Variants in RHCG observed in about 807,000 individuals in gnomAD.
RHCG encodes Rh family C glycoprotein, also known as ammonium transporter Rh type C.
A neutral mutation model predicts 55.3 loss-of-function variants in RHCG; 39 were observed. The ratio of observed to expected loss-of-function variants is 0.70; its 90% CI spans 0.55 to 0.92. The LOEUF (loss-of-function observed/expected upper bound fraction) is 0.92, where lower values mean the gene tolerates loss of function less well. Ranked by LOEUF, RHCG falls within the 40% of genes least tolerant of loss-of-function variation. The pLI, the probability that RHCG is intolerant of heterozygous loss-of-function variation, is 0.00. For synonymous variants in RHCG, 250 were observed against 246.8 expected, an observed-to-expected ratio of 1.01 and a Z score of -0.12; for missense variants, 635 against 627.9, an observed-to-expected ratio of 1.01 and a Z score of -0.12.
chr15:89,496,283 A>G (rs1961564105), intron 1 of RHCG, 78 bp downstream of exon 1: 2 of 1,484,982 alleles, frequency 1.3e-6, no homozygotes, highest in Non-Finnish European at 1.9e-6. Flanking sequence ...TCCTCTGCCC[A>G]GCTCTGGGCC....
chr15:89,486,532 G>A, intron 2 of RHCG: 1 of 529,144 alleles, frequency 1.9e-6, no homozygotes, highest in South Asian at 1.5e-5. Flanking sequence ...GAGAATCGCT[G>A]ATCAGGAAGC....
intron 2 of RHCG, among the ~76,000 whole-genome samples, chr15:89,483,782 G>A (rs533160002): frequency 2.6e-5 from 4 of 152,258 alleles, no homozygotes; most frequent in Non-Finnish European, 5.9e-5. Flanking sequence ...CCTGCAGGAA[G>A]GAGGGAGCTG....
intron 10 of RHCG, among the ~76,000 whole-genome samples, chr15:89,472,207 T>G (rs751201406): frequency 1.3e-5 from 2 of 152,188 alleles, no homozygotes; most frequent in Non-Finnish European, 2.9e-5. Context: ...CTACTTGCCT[T>G]GTAGAGATCT....
At chr15:89,489,697 T>C (rs1319813754) in intron 1 of RHCG, among the ~76,000 whole-genome samples, 1 of 152,148 alleles carries the variant, frequency 6.6e-6, no homozygotes, top group East Asian at 1.9e-4. Context: ...TTGCCTATGG[T>C]GTCCCTGCCA....
chr15:89,494,316 C>A (rs1961528078), intron 1 of RHCG, among the ~76,000 whole-genome samples: 1 of 152,160 alleles, frequency 6.6e-6, no homozygotes, highest in South Asian at 2.1e-4. Flanking sequence ...GGGACAGAGA[C>A]CCAGGATATT....
At chr15:89,476,667 G>T in intron 9 of RHCG, 88 bp downstream of exon 9, 3 of 1,125,168 alleles carry the variant, frequency 2.7e-6, no homozygotes, top group Non-Finnish European at 4.1e-6. Flanking sequence ...CGGCATCTGG[G>T]TCCCCAGGCC....
chr15:89,476,295 C>A (rs1417931937), intron 9 of RHCG, among the ~76,000 whole-genome samples: 2 of 152,164 alleles, frequency 1.3e-5, no homozygotes, highest in African/African-American at 4.8e-5. Flanking sequence ...GTCTCAAACC[C>A]CCAGGCTCAA....
chr15:89,489,629 C>T (rs1418449618), intron 1 of RHCG, among the ~76,000 whole-genome samples: 5 of 152,182 alleles, frequency 3.3e-5, no homozygotes, highest in Admixed American at 6.5e-5. Context: ...TTCACCTCCC[C>T]CGGTGCTCCA....
At chr15:89,486,500 C>T (rs1277176024) in intron 2 of RHCG, 1 of 489,266 alleles carries the variant, frequency 2.0e-6, no homozygotes, top group South Asian at 1.5e-5. Flanking sequence ...CTATGTATGA[C>T]ACTTGGACGA....
chr15:89,489,815 C>T (rs768335248), intron 1 of RHCG, among the ~76,000 whole-genome samples: 1 of 152,190 alleles, frequency 6.6e-6, no homozygotes, highest in Admixed American at 6.5e-5. Flanking sequence ...CCCTATGGCA[C>T]CCTGTTTTCT....
chr15:89,485,572 C>T (rs796185957), intron 2 of RHCG, among the ~76,000 whole-genome samples: 7 of 152,362 alleles, frequency 4.6e-5, no homozygotes, highest in African/African-American at 1.4e-4. Context: ...ACCAGTTTGC[C>T]TCTAAGCCCT....
Position 89,474,892 on chromosome 15 carries a change from TCCTTCCTTCCTGCCTG to T in RHCG, c.1311+1847_1311+1862del, listed in dbSNP as rs1567223995. Reference sequence around the variant, plus strand: ...TGCCTGCCTTCCTTCCTGCCTGCCTTCCTTCCTTCCTGCCTGCCTTCCTTCCTGCCTGCCTGCCTTC... The same window carrying T: ...TGCCTGCCTTCCTTCCTGCCTGCCTTCCTTCCTTCCTGCCTGCCTGCCTTC... On this transcript the variant is annotated intron_variant, in intron 9 of 10. Transcript: ENST00000268122. Among the ~76,000 whole-genome samples, 141 of 116,876 alleles carry T rather than the reference TCCTTCCTTCCTGCCTG, an allele frequency of 1.2e-3. 2 individuals carry two copies. The highest frequency in any genetic ancestry group is 5.0e-3 in the South Asian group (19 of 3,810). The allele number at this position is 116,876 out of a possible 152,430, so 76.7% of individuals were successfully genotyped here.
intron 1 of RHCG, among the ~76,000 whole-genome samples, chr15:89,492,467 G>A (rs945227736): frequency 6.6e-6 from 1 of 152,068 alleles, no homozygotes; most frequent in Admixed American, 6.5e-5. Flanking sequence ...CTACTGGCCA[G>A]TTCCCCAATT....
intron 1 of RHCG, among the ~76,000 whole-genome samples, chr15:89,489,616 A>C (rs1012359659): frequency 6.6e-6 from 1 of 151,918 alleles, no homozygotes; most frequent in Non-Finnish European, 1.5e-5. Flanking sequence ...ACCTCCCCAC[A>C]TCTTCACCTC....
chr15:89,475,680 C>T (rs1454906183), intron 9 of RHCG, among the ~76,000 whole-genome samples: 1 of 152,182 alleles, frequency 6.6e-6, no homozygotes, highest in African/African-American at 2.4e-5. Flanking sequence ...AAGCTGAGCA[C>T]TGCACTGTGA....
chr15:89,490,366 G>A (rs545859038), intron 1 of RHCG, among the ~76,000 whole-genome samples: 2 of 152,376 alleles, frequency 1.3e-5, no homozygotes, highest in Non-Finnish European at 2.9e-5. Flanking sequence ...AGAGCTGTGG[G>A]TCCTGCCCCA....
rs555473662 is a variant in RHCG, at chr15:89,479,230, A to T, written c.837+92T>A. 1.1e-4 allele frequency: 154 copies of T among 1,347,854 alleles called. 1 individual carries two copies. In the East Asian group the frequency reaches 3.5e-3, roughly 31 times the overall value. The allele number at this position is 1,347,854 out of a possible 1,614,324, so 83.5% of individuals were successfully genotyped here. A position where few individuals can be genotyped will look rare whatever the true frequency, so the allele number is the denominator to read the frequency against. On this transcript the variant is annotated intron_variant, in intron 5 of 10. Coordinates refer to ENST00000268122, the MANE Select transcript of RHCG (RefSeq NM_016321.3). ...CAACCTCATCTGCAAGATGGGTGTG[A>T]TGATCCCCTCAGAGGTGTTGGCAAG... is the stretch of plus-strand genomic sequence containing the variant.
intron 1 of RHCG, among the ~76,000 whole-genome samples, chr15:89,493,774 A>G (rs973079408): frequency 5.3e-5 from 8 of 152,110 alleles, no homozygotes; most frequent in African/African-American, 1.7e-4. Flanking sequence ...CTCAGACCCC[A>G]GGGCTGCTCC....
In RHCG at chr15:89,477,202, C is replaced by T. The variant is rs1000171442; in HGVS notation, c.1117G>A (p.Val373Ile). The T allele has an allele frequency of 6.2e-7, 1 of 1,613,918 alleles. No individual in the cohort carries two copies. The highest frequency in any genetic ancestry group is 2.2e-5 in the East Asian group (1 of 44,858). ...SLEVYGKEGL[V>I]HSFDFQGFNG... The stretch of plus-strand genomic sequence containing the variant: ...AAACCTTGAAAGTCAAAGGAATGGA[C>T]AAGCCTGGGGTGGAGACAGGGGGCA... The change falls in exon 8 of 11, where the codon GTC (valine) becomes ATC (isoleucine). Residue 373 changes from valine to isoleucine, a missense_variant. Coordinates refer to ENST00000268122, the MANE Select transcript of RHCG (RefSeq NM_016321.3). This position sits in a 1 kb window ranked among gnomAD's most constrained non-coding sequence, Gnocchi z 4.5.
Sources: gnomAD v4.1 joint callset for allele counts (sites outside exome capture counted in the v4.1 genomes callset) on GRCh38, gnomAD v4.1.1 for gene constraint, Gnocchi (gnomAD v3.1) non-coding constraint, MANE v1.5 for transcripts, NCBI Gene and HGNC (gene_info 2026-07-23, HGNC 2026-07-21) for gene names.